Variants in MYO1D observed in about 807,000 individuals in gnomAD.
MYO1D encodes the protein unconventional myosin-Id.
A neutral mutation model predicts 122.0 loss-of-function variants in MYO1D; 83 were observed. The observed-to-expected ratio is 0.68, with a 90% CI of 0.57 to 0.82. MYO1D has a LOEUF of 0.82. MYO1D is among the 40% of genes least tolerant of loss of function. MYO1D has a pLI of 0.00. For synonymous variants in MYO1D, 464 were observed against 446.9 expected, an observed-to-expected ratio of 1.04 and a Z score of -0.48; for missense variants, 1,157 against 1,269.5, an observed-to-expected ratio of 0.91 and a Z score of 1.35.
At chr17:32,754,154 C>A (rs1417355616) in intron 11 of MYO1D, among the ~76,000 whole-genome samples, 1 of 152,146 alleles carries the variant, frequency 6.6e-6, no homozygotes, top group Non-Finnish European at 1.5e-5. Flanking sequence ...AGTCTCCAAA[C>A]CTGAACTGTG....
At chr17:32,737,687 C>T (rs1462574030) in intron 14 of MYO1D, among the ~76,000 whole-genome samples, 1 of 152,174 alleles carries the variant, frequency 6.6e-6, no homozygotes, top group Non-Finnish European at 1.5e-5. Context: ...ACTATATTGT[C>T]CAGGCTGGTC....
chr17:32,536,255 G>A (rs945815125), intron 21 of MYO1D, among the ~76,000 whole-genome samples: 4 of 151,906 alleles, frequency 2.6e-5, no homozygotes, highest in African/African-American at 9.7e-5. Flanking sequence ...GGCTGGTCTC[G>A]AACTCCTGAC....
chr17:32,514,527 TA>T (rs1296807329), intron 21 of MYO1D, among the ~76,000 whole-genome samples: 1 of 152,180 alleles, frequency 6.6e-6, no homozygotes, highest in Non-Finnish European at 1.5e-5. Flanking sequence ...GTGCAAATTA[TA>T]AAGGGGAAAG....
chr17:32,553,363 G>A (rs112191662), intron 21 of MYO1D, among the ~76,000 whole-genome samples: 5 of 152,218 alleles, frequency 3.3e-5, no homozygotes, highest in Non-Finnish European at 7.3e-5. Flanking sequence ...TACAGAGGAG[G>A]CGATATTTGA....
At chr17:32,688,945 G>GTGTA (rs1160509133) in intron 16 of MYO1D, among the ~76,000 whole-genome samples, 1 of 150,784 alleles carries the variant, frequency 6.6e-6, no homozygotes, top group Non-Finnish European at 1.5e-5. Flanking sequence ...GTGTGTGTGT[G>GTGTA]TGTATGTGTG....
chr17:32,640,705 T>C (rs1394152511), intron 19 of MYO1D, among the ~76,000 whole-genome samples: 1 of 151,414 alleles, frequency 6.6e-6, no homozygotes, highest in Non-Finnish European at 1.5e-5. Context: ...TGTGCCACAT[T>C]TTCTTAATCC....
chr17:32,872,436 C>T (rs1227733628), intron 1 of MYO1D, among the ~76,000 whole-genome samples: 1 of 151,898 alleles, frequency 6.6e-6, no homozygotes, highest in Non-Finnish European at 1.5e-5. Flanking sequence ...CCACGCCTGG[C>T]TAATTTTTTT....
intron 21 of MYO1D, among the ~76,000 whole-genome samples, chr17:32,574,271 TGAAGA>T (rs1157423660): frequency 6.6e-6 from 1 of 151,842 alleles, no homozygotes; most frequent in Non-Finnish European, 1.5e-5. Flanking sequence ...CTAGTATAAG[TGAAGA>T]GAATTCACAT....
chr17:32,533,640 G>A (rs768634238), intron 21 of MYO1D, among the ~76,000 whole-genome samples: 25 of 151,954 alleles, frequency 1.6e-4, no homozygotes, highest in Non-Finnish European at 2.9e-4. Flanking sequence ...TCTGTGATCC[G>A]CTGACCTCTC....
At chr17:32,499,028 C>G (rs919266003) in intron 21 of MYO1D, 10 of 151,970 alleles carry the variant, frequency 6.6e-5, no homozygotes, top group African/African-American at 2.4e-4. Context: ...ATAGTGAAAC[C>G]CCGTCTCTAT....
intron 21 of MYO1D, among the ~76,000 whole-genome samples, chr17:32,519,807 AG>A (rs1462673143): frequency 6.6e-6 from 1 of 152,034 alleles, no homozygotes; most frequent in Non-Finnish European, 1.5e-5. Flanking sequence ...GGGTCAGCTA[AG>A]GGTACAGGAT....
intron 21 of MYO1D, among the ~76,000 whole-genome samples, chr17:32,515,242 C>T (rs1048887029): frequency 4.6e-5 from 7 of 152,132 alleles, no homozygotes; most frequent in Non-Finnish European, 8.8e-5. Flanking sequence ...AACTATGCCA[C>T]CTTCCAGGGC....
At chr17:32,822,084 T>G (rs372620109) in intron 1 of MYO1D, among the ~76,000 whole-genome samples, 87 of 152,310 alleles carry the variant, frequency 5.7e-4, no homozygotes, top group African/African-American at 2.1e-3. Context: ...CATATGTTTA[T>G]TGTGGCACTA....
intron 13 of MYO1D, among the ~76,000 whole-genome samples, chr17:32,740,208 G>C (rs1403296767): frequency 6.6e-6 from 1 of 152,166 alleles, no homozygotes; most frequent in Non-Finnish European, 1.5e-5. Flanking sequence ...GTAGAAAATT[G>C]CACTTTGTGT....
intron 16 of MYO1D, among the ~76,000 whole-genome samples, chr17:32,677,580 AATAT>A (rs10523328): frequency 0.029 from 3,908 of 135,256 alleles, 81 homozygotes; most frequent in African/African-American, 0.047. Flanking sequence ...TAGATAGATA[AATAT>A]ATATATATAT....
chr17:32,654,683 T>A, intron 17 of MYO1D, 62 bp from the exon 18 acceptor site: 1 of 1,408,814 alleles, frequency 7.1e-7, no homozygotes, highest in Non-Finnish European at 9.4e-7. Flanking sequence ...ATTCTCTCTC[T>A]CTTTTTTTTT....
intron 16 of MYO1D, among the ~76,000 whole-genome samples, chr17:32,670,308 A>G (rs1320067993): frequency 6.6e-6 from 1 of 152,208 alleles, no homozygotes; most frequent in Non-Finnish European, 1.5e-5. Context: ...TCTTGTTTTT[A>G]GAAAATATAC....
intron 1 of MYO1D, among the ~76,000 whole-genome samples, chr17:32,803,228 G>A (rs1439189195): frequency 1.3e-5 from 2 of 152,006 alleles, no homozygotes; most frequent in Admixed American, 6.6e-5. Flanking sequence ...CTCACTGCAG[G>A]CTCCGCCTCC....
At chr17:32,710,393 G>A (rs773731743) in intron 16 of MYO1D, among the ~76,000 whole-genome samples, 5 of 152,148 alleles carry the variant, frequency 3.3e-5, no homozygotes, top group Admixed American at 6.5e-5. Flanking sequence ...TCACCATATG[G>A]AGAAAAATAA....
Sources: gnomAD v4.1 joint callset for allele counts (sites outside exome capture counted in the v4.1 genomes callset) on GRCh38, gnomAD v4.1.1 for gene constraint, MANE v1.5 for transcripts, NCBI Gene and HGNC (gene_info 2026-07-23, HGNC 2026-07-21) for gene names.